The following NKX2-2 variants were observed in gnomAD, a reference collection of about 807,000 sequenced individuals.
The protein encoded by NKX2-2 is homeobox protein Nkx-2.2.
A neutral mutation model predicts 24.6 loss-of-function variants in NKX2-2; 8 were observed. The ratio of observed to expected loss-of-function variants is 0.32; its 90% CI spans 0.19 to 0.59. NKX2-2 has a LOEUF of 0.59. Among genes scored for constraint, NKX2-2 ranks in the 20% least tolerant of loss-of-function variants. NKX2-2 has a pLI of 0.86. For synonymous variants in NKX2-2, 217 were observed against 173.3 expected, an observed-to-expected ratio of 1.25 and a Z score of -1.98; for missense variants, 381 against 373.9, an observed-to-expected ratio of 1.02 and a Z score of -0.16.
the NKX2-2 span, among the ~76,000 whole-genome samples, chr20:21,520,237 G>C: frequency 6.6e-6 from 1 of 152,028 alleles, no homozygotes; most frequent in African/African-American, 2.4e-5. Flanking sequence ...AACTGATCCT[G>C]GGACCTAGAG....
the NKX2-2 span, among the ~76,000 whole-genome samples, chr20:21,519,656 C>T: frequency 2.0e-5 from 3 of 152,342 alleles, no homozygotes; most frequent in East Asian, 5.8e-4. Context: ...CTCTCACGTC[C>T]TGGATGAAAG....
chr20:21,522,143 C>T, the NKX2-2 span, among the ~76,000 whole-genome samples: 1 of 152,262 alleles, frequency 6.6e-6, no homozygotes, highest in African/African-American at 2.4e-5. Flanking sequence ...CCTGCCCGTC[C>T]TCGAGTGCTC....
chr20:21,520,015 T>C, the NKX2-2 span, among the ~76,000 whole-genome samples: 18 of 152,082 alleles, frequency 1.2e-4, no homozygotes, highest in South Asian at 6.2e-4. Flanking sequence ...TTTTTTTTTT[T>C]CCTTTGGTCC....
chr20:21,519,545 C>T, the NKX2-2 span, among the ~76,000 whole-genome samples: 1 of 152,130 alleles, frequency 6.6e-6, no homozygotes, highest in Non-Finnish European at 1.5e-5. Context: ...CTGAGTGTGG[C>T]GATAAAGACG....
chr20:21,515,735 A>G (rs1346279964), upstream of NKX2-2, among the ~76,000 whole-genome samples: 1 of 151,922 alleles, frequency 6.6e-6, no homozygotes, highest in East Asian at 1.9e-4. Context: ...TCTTCCCACA[A>G]CCTGGGCTCC....
chr20:21,514,543 C>T (rs1980566974), upstream of NKX2-2, among the ~76,000 whole-genome samples: 2 of 152,102 alleles, frequency 1.3e-5, no homozygotes, highest in Non-Finnish European at 2.9e-5. Context: ...AAAACAGAAA[C>T]CAGGAGGAGG....
upstream of NKX2-2, among the ~76,000 whole-genome samples, chr20:21,517,802 G>A (rs974745607): frequency 6.6e-6 from 1 of 152,152 alleles, no homozygotes; most frequent in Non-Finnish European, 1.5e-5. Flanking sequence ...AGGCCTCCCC[G>A]AGAGTACCAC....
chr20:21,517,878 G>C (rs1980680504), upstream of NKX2-2, among the ~76,000 whole-genome samples: 1 of 152,170 alleles, frequency 6.6e-6, no homozygotes, highest in Non-Finnish European at 1.5e-5. Context: ...AGGCTGAGAG[G>C]CCCTGCCCCG....
chr20:21,517,367 C>A (rs867465601), upstream of NKX2-2, among the ~76,000 whole-genome samples: 13 of 152,214 alleles, frequency 8.5e-5, no homozygotes, highest in South Asian at 4.1e-4. Context: ...TTGGAGAGAG[C>A]TTCGGCCTTG....
Position 21,511,084 on chromosome 20 carries a change from C to T in NKX2-2, c.*839G>A, listed in dbSNP as rs1238310468. The T allele has an allele frequency of 6.6e-6, 1 of 152,616 alleles. No homozygotes were observed. The highest frequency in any genetic ancestry group is 1.5e-5 in the Non-Finnish European group (1 of 68,046). 9.5% of individuals were successfully genotyped at this position (152,616 alleles called of 1,614,324 possible). The stretch of plus-strand genomic sequence containing the variant: ...TTTAAAAAATCGAAAGCTTTCTGCG[C>T]CCGGCGCTGTTGGGGAACCGCGCCG... On this transcript the variant is annotated 3_prime_UTR_variant, in exon 2 of 2. Coordinates refer to ENST00000377142, the MANE Select transcript of NKX2-2 (RefSeq NM_002509.4).
chr20:21,515,915 G>A (rs1379585897), upstream of NKX2-2, among the ~76,000 whole-genome samples: 1 of 152,222 alleles, frequency 6.6e-6, no homozygotes, highest in African/African-American at 2.4e-5. Context: ...CCCAGTATGT[G>A]ACGTGGGTGA....
chr20:21,519,740 C>T, the NKX2-2 span, among the ~76,000 whole-genome samples: 1 of 152,208 alleles, frequency 6.6e-6, no homozygotes, highest in South Asian at 2.1e-4. Context: ...AAATCCATCC[C>T]AGCTCCAATT....
At position 21,512,411 on chromosome 20, in the gene NKX2-2, G is replaced by A; in HGVS notation, c.334C>T (p.Pro112Ser). ...CCCGGGGTCTCCTTGTCATTGTCCGGTGACTCGTCGGCCGAGGGCTCCGGG... is the reference window on the plus strand; with the variant it reads ...CCCGGGGTCTCCTTGTCATTGTCCGATGACTCGTCGGCCGAGGGCTCCGGG... Reference protein sequence around the residue: ...KSPEPSADESPDNDKETPGGG... With the variant: ...KSPEPSADESSDNDKETPGGG... Residue 112 changes from proline to serine, a missense_variant, in exon 2 of 2, where the codon CCG becomes TCG. Pro to Ser is a moderately conservative substitution (Grantham distance 74, BLOSUM62 -1). Around this residue, in one of 3 missense-constraint regions of NKX2-2, gnomAD observed 206 missense variants for 173.1 expected, o/e 1.19. Coordinates refer to ENST00000377142, the MANE Select transcript of NKX2-2 (RefSeq NM_002509.4). 1 of 1,596,754 alleles carries A rather than the reference G, an allele frequency of 6.3e-7. No homozygotes were observed.
At chr20:21,514,666 C>T (rs758229568), upstream of NKX2-2, among the ~76,000 whole-genome samples, 2 of 152,066 alleles carry the variant, frequency 1.3e-5, no homozygotes, top group Non-Finnish European at 2.9e-5. Context: ...GGGGAGGGGG[C>T]GAAGGCCGAG....
Position 21,511,548 on chromosome 20 carries a change from C to CAT in NKX2-2, c.*374_*375insAT, listed in dbSNP as rs1980428483. 1 of 187,718 alleles carries CAT rather than the reference C, an allele frequency of 5.3e-6. No individual in the cohort carries two copies. Among genetic ancestry groups the CAT allele is most frequent in the Non-Finnish European group, 1.1e-5 (1 of 92,174 alleles). 11.6% of individuals were successfully genotyped at this position (187,718 alleles called of 1,614,324 possible). ...TCACACAAACATATTTTACAAAATG[C>CAT]ACGAAAGCAGGGGTGGGGGGTCGGT... On this transcript the variant is annotated 3_prime_UTR_variant, in exon 2 of 2. Transcript: ENST00000377142.
chr20:21,521,699 G>T, the NKX2-2 span, among the ~76,000 whole-genome samples: 1 of 152,194 alleles, frequency 6.6e-6, no homozygotes, highest in Admixed American at 6.5e-5. Flanking sequence ...CGACTTACCC[G>T]GTGGAGGTGG....
At chr20:21,521,784 C>A in the NKX2-2 span, among the ~76,000 whole-genome samples, 1 of 152,210 alleles carries the variant, frequency 6.6e-6, no homozygotes, top group East Asian at 1.9e-4. Flanking sequence ...CGGGAGGGAG[C>A]TAGCCAGGCG....
At chr20:21,521,734 C>T in the NKX2-2 span, among the ~76,000 whole-genome samples, 3 of 152,342 alleles carry the variant, frequency 2.0e-5, no homozygotes, top group East Asian at 1.9e-4. Context: ...CCTTCCTCAC[C>T]GCGGCCCCGC....
upstream of NKX2-2, among the ~76,000 whole-genome samples, chr20:21,515,301 G>A (rs1177117399): frequency 6.6e-6 from 1 of 151,918 alleles, no homozygotes; most frequent in African/African-American, 2.4e-5. Flanking sequence ...TCCAGCCTGG[G>A]TGAAGACCCA....
Sources: allele counts gnomAD v4.1 joint callset (sites outside exome capture counted in the v4.1 genomes callset), GRCh38; gene constraint gnomAD v4.1.1; regional missense constraint gnomAD v4.1.1; transcripts MANE v1.5; gene names NCBI Gene and HGNC (gene_info 2026-07-23, HGNC 2026-07-21).